DPP10: variants seen among roughly 807,000 people sequenced by gnomAD.
DPP10 encodes the protein dipeptidyl peptidase like 10, also known as inactive dipeptidyl peptidase 10.
In DPP10, 33 loss-of-function variants were observed where a neutral mutation model predicts 120.9. The ratio of observed to expected loss-of-function variants is 0.27; its 90% CI spans 0.21 to 0.37. DPP10 has a LOEUF of 0.37. Among genes scored for constraint, DPP10 ranks in the 10% least tolerant of loss-of-function variants. The probability of loss-of-function intolerance (pLI) is 1.00; values close to 1 mark genes in which losing one functional copy is unlikely to be tolerated. For synonymous variants in DPP10, 337 were observed against 326.1 expected, an observed-to-expected ratio of 1.03 and a Z score of -0.36; for missense variants, 816 against 942.8, an observed-to-expected ratio of 0.87 and a Z score of 1.76.
At chr2:114,452,834 A>C (rs556711061) in intron 1 of DPP10, among the ~76,000 whole-genome samples, 2 of 152,084 alleles carry the variant, frequency 1.3e-5, no homozygotes, top group East Asian at 3.8e-4. Context: ...TGTTTTTCTC[A>C]AACTAACTTC....
At chr2:115,730,745 G>A (rs994196593) in intron 8 of DPP10, among the ~76,000 whole-genome samples, 2 of 152,166 alleles carry the variant, frequency 1.3e-5, no homozygotes, top group African/African-American at 4.8e-5. Context: ...AGGGGTTGTG[G>A]AGAGCAGAAC....
chr2:115,165,119 A>G (rs1339037533), intron 1 of DPP10, among the ~76,000 whole-genome samples: 1 of 152,208 alleles, frequency 6.6e-6, no homozygotes. Context: ...GCTAATTGTA[A>G]TTTATTATTA....
In DPP10 at chr2:115,192,180, G is replaced by T. The variant is rs180899338; in HGVS notation, c.61-117059G>T. 1.3e-4 allele frequency among the ~76,000 whole-genome samples: 20 copies of T among 152,222 alleles called. No homozygotes were observed. The East Asian group carries it at 3.7e-3, about 28-fold the overall frequency. On this transcript the variant is annotated intron_variant, in intron 1 of 25. Coordinates refer to ENST00000410059, the MANE Select transcript of DPP10 (RefSeq NM_020868.6). ...AATGTTTTCTATTAATCTAAACTTG[G>T]GTATAATATTTTCAAGCAATGTCTT... is the stretch of plus-strand genomic sequence containing the variant.
chr2:115,017,762 C>A (rs566578908), intron 1 of DPP10, among the ~76,000 whole-genome samples: 2 of 151,684 alleles, frequency 1.3e-5, no homozygotes, highest in South Asian at 4.2e-4. Context: ...GGACAAAAAG[C>A]CAAACATCGC....
chr2:114,996,416 A>T (rs1361573346), intron 1 of DPP10, among the ~76,000 whole-genome samples: 2 of 152,236 alleles, frequency 1.3e-5, no homozygotes, highest in Non-Finnish European at 2.9e-5. Context: ...ACATGCAAAT[A>T]CTAACCCAGA....
chr2:115,365,056 T>C (rs952058984), intron 3 of DPP10, among the ~76,000 whole-genome samples: 2 of 152,148 alleles, frequency 1.3e-5, no homozygotes, highest in East Asian at 3.8e-4. Flanking sequence ...GCAAGTTACA[T>C]GTATATATAA....
rs551748935 is a variant in DPP10, at chr2:114,561,497, T to C, written c.60+118659T>C. 5.9e-5 allele frequency among the ~76,000 whole-genome samples: 9 copies of C among 152,204 alleles called. No homozygotes were observed. The South Asian group carries it at 1.9e-3, about 32-fold the overall frequency. ...CACACCACAAATACATGTGCACACA[T>C]ATACAGAAAGTTTTTGCTGTAGATA... is the stretch of plus-strand genomic sequence containing the variant. On this transcript the variant is annotated intron_variant, in intron 1 of 25. Coordinates refer to ENST00000410059, the MANE Select transcript of DPP10 (RefSeq NM_020868.6).
intron 1 of DPP10, among the ~76,000 whole-genome samples, chr2:114,696,577 G>A (rs13408655): frequency 2.6e-3 from 400 of 151,894 alleles, no homozygotes; most frequent in African/African-American, 9.3e-3. Flanking sequence ...ATGTCCTCTG[G>A]GATATTATTT....
intron 1 of DPP10, among the ~76,000 whole-genome samples, chr2:115,015,798 T>G (rs1484483353): frequency 1.3e-5 from 2 of 152,128 alleles, no homozygotes; most frequent in African/African-American, 4.8e-5. Flanking sequence ...ATAAGGGATG[T>G]GAAGGACCTC....
intron 5 of DPP10, among the ~76,000 whole-genome samples, chr2:115,532,726 A>G (rs190264941): frequency 6.6e-6 from 1 of 152,172 alleles, no homozygotes; most frequent in African/African-American, 2.4e-5. Context: ...ATTCCAAAGT[A>G]TGGCAAATCA....
chr2:114,684,186 G>A (rs977986796), intron 1 of DPP10, among the ~76,000 whole-genome samples: 1 of 151,906 alleles, frequency 6.6e-6, no homozygotes, highest in Non-Finnish European at 1.5e-5. Context: ...AGGTAACCCT[G>A]AGCCAGGCCC....
Position 115,800,355 on chromosome 2 carries a change from G to A in DPP10, c.1700+8999G>A, listed in dbSNP as rs1181171421. On this transcript the variant is annotated intron_variant, in intron 19 of 25. Transcript: ENST00000410059. ...TATTAGCCCTTTGTCAGATGAGTAGGTTGCAAAAATTTTCTCCCATTCTGT... is the reference window on the plus strand; with the variant it reads ...TATTAGCCCTTTGTCAGATGAGTAGATTGCAAAAATTTTCTCCCATTCTGT... Among the ~76,000 whole-genome samples the A allele has an allele frequency of 2.1e-3, 315 of 152,128 alleles. 1 individual carries two copies. The highest frequency in any genetic ancestry group is 3.4e-3 in the Non-Finnish European group (233 of 67,992).
intron 19 of DPP10, among the ~76,000 whole-genome samples, chr2:115,808,046 A>T (rs7608990): frequency 0.12 from 18,463 of 152,208 alleles, 1,288 homozygotes; most frequent in African/African-American, 0.18. Flanking sequence ...ACTGCTACTA[A>T]TCTAACTATG....
chr2:115,162,777 T>A (rs1424773242), intron 1 of DPP10, among the ~76,000 whole-genome samples: 1 of 152,142 alleles, frequency 6.6e-6, no homozygotes, highest in Non-Finnish European at 1.5e-5. Context: ...CTTTTTGTTT[T>A]GGTCTTTAGA....
At chr2:115,617,778 C>T (rs1037781391) in intron 5 of DPP10, among the ~76,000 whole-genome samples, 2 of 152,226 alleles carry the variant, frequency 1.3e-5, no homozygotes, top group East Asian at 1.9e-4. Context: ...GTACCCCCAT[C>T]ATTAAGTAAT....
intron 1 of DPP10, among the ~76,000 whole-genome samples, chr2:114,595,779 C>T (rs1181403713): frequency 6.6e-6 from 1 of 152,062 alleles, no homozygotes; most frequent in Admixed American, 6.6e-5. Context: ...GTGGCCTAAA[C>T]AAAGAGCTTT....
intron 1 of DPP10, among the ~76,000 whole-genome samples, chr2:114,537,753 C>A (rs1686630135): frequency 6.6e-6 from 1 of 152,158 alleles, no homozygotes; most frequent in Non-Finnish European, 1.5e-5. Flanking sequence ...GAGATGGGGA[C>A]AATGTAGAGT....
chr2:114,709,779 T>C (rs1028884672), intron 1 of DPP10, among the ~76,000 whole-genome samples: 11 of 152,266 alleles, frequency 7.2e-5, no homozygotes, highest in African/African-American at 2.4e-4. Context: ...TAATAAGATT[T>C]TTTTCTCTCA....
chr2:115,292,909 G>A (rs930254300), intron 1 of DPP10, among the ~76,000 whole-genome samples: 1 of 152,034 alleles, frequency 6.6e-6, no homozygotes, highest in African/African-American at 2.4e-5. Flanking sequence ...ACAAGTGAAC[G>A]CCAAGGTCAG....
Sources: gnomAD v4.1 joint callset for allele counts (sites outside exome capture counted in the v4.1 genomes callset) on GRCh38, gnomAD v4.1.1 for gene constraint, MANE v1.5 for transcripts, NCBI Gene and HGNC (gene_info 2026-07-23, HGNC 2026-07-21) for gene names.